Variants in RBFOX3 observed in about 807,000 individuals in gnomAD.
The protein encoded by RBFOX3 is RNA binding fox-1 homolog 3, also known as RNA binding protein fox-1 homolog 3.
A neutral mutation model predicts 48.7 loss-of-function variants in RBFOX3; 17 were observed. The ratio of observed to expected loss-of-function variants is 0.35; its 90% CI spans 0.24 to 0.52. The LOEUF is 0.52. RBFOX3 is among the 20% of genes least tolerant of loss of function. The pLI is 0.94. For synonymous variants in RBFOX3, 212 were observed against 209.5 expected (o/e 1.01, Z -0.10); for missense variants, 382 against 497.5 (o/e 0.77, Z 2.21).
intron 2 of RBFOX3, among the ~76,000 whole-genome samples, chr17:79,474,344 C>G (rs1001842169): frequency 5.3e-4 from 80 of 152,320 alleles, no homozygotes; most frequent in African/African-American, 1.6e-3. Context: ...ACGATGCAGT[C>G]ACAAGTTCTG....
At position 79,252,657 on chromosome 17, in the gene RBFOX3, G is replaced by A. The variant is rs560237466; in HGVS notation, c.-73-16852C>T. ...CCACCCATCCAGCTCGTTTCAAGCC[G>A]CTACGTTTGTTTGCGACGGCGGCAC... On this transcript the variant is annotated intron_variant, in intron 3 of 14. Coordinates refer to ENST00000693108, the MANE Select transcript of RBFOX3 (RefSeq NM_001350451.2). This position sits in a 1 kb window ranked among gnomAD's most constrained non-coding sequence, Gnocchi z 4.0. Among the ~76,000 whole-genome samples, 5 of 152,316 alleles carry A rather than the reference G, an allele frequency of 3.3e-5. No individual in the cohort carries two copies. Among genetic ancestry groups the A allele is most frequent in the Non-Finnish European group, 5.9e-5 (4 of 68,026 alleles).
chr17:79,500,247 T>C (rs2082206081), intron 1 of RBFOX3, among the ~76,000 whole-genome samples: 1 of 146,292 alleles, frequency 6.8e-6, no homozygotes, highest in Admixed American at 6.9e-5. Flanking sequence ...TAAAGAGAAA[T>C]GACTTTTTTT....
At chr17:79,290,437 C>T (rs956394650) in intron 3 of RBFOX3, among the ~76,000 whole-genome samples, 11 of 152,000 alleles carry the variant, frequency 7.2e-5, no homozygotes, top group South Asian at 2.1e-4. Flanking sequence ...TATGCTGTGA[C>T]GGTGTCATGG....
chr17:79,594,741 G>C (rs1349239298), intron 1 of RBFOX3, among the ~76,000 whole-genome samples: 1 of 152,202 alleles, frequency 6.6e-6, no homozygotes, highest in Non-Finnish European at 1.5e-5. Context: ...TTAAAACTTG[G>C]ATGTGAAAGG....
Position 79,260,980 on chromosome 17 carries a change from TG to T in RBFOX3, c.-73-25176del, listed in dbSNP as rs570524262. Among the ~76,000 whole-genome samples the T allele has an allele frequency of 2.0e-3, 303 of 152,200 alleles. 4 individuals carry two copies. Among genetic ancestry groups the T allele is most frequent in the African/African-American group, 7.0e-3 (290 of 41,538 alleles). On this transcript the variant is annotated intron_variant, in intron 3 of 14. Coordinates refer to ENST00000693108, the MANE Select transcript of RBFOX3 (RefSeq NM_001350451.2). ...ACTCCAGCCTCTCCCCTACCATCCA[TG>T]TGTTTCCCTCCCTCCCTCCCGTCCT...
At chr17:79,509,017 G>A (rs1002098831) in intron 1 of RBFOX3, 39 of 152,284 alleles carry the variant, frequency 2.6e-4, no homozygotes, top group Middle Eastern at 3.4e-3. Context: ...ACCCACGTCC[G>A]GGCCCCCCGA....
At chr17:79,547,890 G>C (rs190853604) in intron 1 of RBFOX3, among the ~76,000 whole-genome samples, 2 of 152,160 alleles carry the variant, frequency 1.3e-5, no homozygotes, top group African/African-American at 4.8e-5. Context: ...TGAAGGACTC[G>C]GACCTCCAGC....
chr17:79,474,469 T>A (rs2077441866), intron 2 of RBFOX3, among the ~76,000 whole-genome samples: 2 of 152,172 alleles, frequency 1.3e-5, no homozygotes, highest in South Asian at 4.1e-4. Context: ...GACAATCATT[T>A]ATTGGCTCTC....
intron 2 of RBFOX3, among the ~76,000 whole-genome samples, chr17:79,356,373 T>TTTTTGTTTTTTTTTTTTTTTTTTTTG (rs1555684872): frequency 4.5e-5 from 4 of 88,990 alleles, no homozygotes; most frequent in South Asian, 4.6e-4. Flanking sequence ...TTTTTTTTTT[T>TTTTTGTTTTTTTTTTTTTTTTTTTTG]TTTTTTTTTT....
chr17:79,452,906 G>A (rs1310782881), intron 2 of RBFOX3, among the ~76,000 whole-genome samples: 3 of 152,200 alleles, frequency 2.0e-5, no homozygotes, highest in African/African-American at 4.8e-5. Flanking sequence ...AAGCAGCACC[G>A]TGGTGCCATC....
In RBFOX3 at chr17:79,103,923, T is replaced by TG. The variant is rs1298713085; in HGVS notation, c.414+149dup. ...ACAGCTGGGGTGGGGGCGGGGCGGG[T>TG]GGGGGCGGAAGAGCGGGGAATACAA... On this transcript the variant is annotated intron_variant, in intron 7 of 14. Transcript: ENST00000693108. The surrounding 1 kb of genome is among the most constrained non-coding windows in gnomAD (Gnocchi z 6.1). The TG allele has an allele frequency of 1.2e-5, 6 of 481,652 alleles. 1 individual carries two copies. The African/African-American group carries it at 3.4e-4, about 27-fold the overall frequency. The allele number at this position is 481,652 out of a possible 1,614,324, so 29.8% of individuals were successfully genotyped here.
chr17:79,525,780 T>TTTTA (rs2086719877), intron 1 of RBFOX3, among the ~76,000 whole-genome samples: 3 of 152,230 alleles, frequency 2.0e-5, no homozygotes, highest in African/African-American at 7.2e-5. Flanking sequence ...TATGAGTACA[T>TTTTA]TTTAATTCAA....
intron 1 of RBFOX3, among the ~76,000 whole-genome samples, chr17:79,557,035 G>A (rs1437557274): frequency 6.6e-6 from 1 of 152,046 alleles, no homozygotes; most frequent in Non-Finnish European, 1.5e-5. Context: ...TTTGAGGTCA[G>A]GAGTTCAAGA....
At chr17:79,268,434 C>T (rs2067105121) in intron 3 of RBFOX3, among the ~76,000 whole-genome samples, 1 of 152,198 alleles carries the variant, frequency 6.6e-6, no homozygotes, top group South Asian at 2.1e-4. Context: ...CAGCCCCTTC[C>T]TCCAAGACAG....
intron 2 of RBFOX3, among the ~76,000 whole-genome samples, chr17:79,414,855 T>C (rs991471687): frequency 7.9e-5 from 12 of 152,216 alleles, no homozygotes; most frequent in Admixed American, 1.3e-4. Context: ...GGAGGAACCA[T>C]GCAGCAACCC....
chr17:79,157,280 G>A (rs767784228), intron 4 of RBFOX3, among the ~76,000 whole-genome samples: 1 of 152,192 alleles, frequency 6.6e-6, no homozygotes, highest in Non-Finnish European at 1.5e-5. Flanking sequence ...CCCAGGCACT[G>A]TCCACTCTGC....
intron 1 of RBFOX3, among the ~76,000 whole-genome samples, chr17:79,592,627 C>G (rs1010154366): frequency 6.6e-6 from 1 of 152,032 alleles, no homozygotes; most frequent in African/African-American, 2.4e-5. Context: ...CTCCCACCTG[C>G]GCTGTGAACA....
At chr17:79,359,732 C>G (rs971217658) in intron 2 of RBFOX3, among the ~76,000 whole-genome samples, 23 of 100,522 alleles carry the variant, frequency 2.3e-4, no homozygotes, top group Non-Finnish European at 3.8e-4. Flanking sequence ...TAATTTGGGT[C>G]ATTTTTTTTT....
At chr17:79,656,470 C>T in the RBFOX3 span, among the ~76,000 whole-genome samples, 9 of 151,864 alleles carry the variant, frequency 5.9e-5, no homozygotes, top group South Asian at 4.2e-4. Flanking sequence ...AAAAATTAGC[C>T]GGACATGGTG....
Sources: gnomAD v4.1 joint callset for allele counts (sites outside exome capture counted in the v4.1 genomes callset) on GRCh38, gnomAD v4.1.1 for gene constraint, Gnocchi (gnomAD v3.1) non-coding constraint, MANE v1.5 for transcripts, NCBI Gene and HGNC (gene_info 2026-07-23, HGNC 2026-07-21) for gene names.